The following GRM8 variants were observed in gnomAD, a reference collection of about 807,000 sequenced individuals.
GRM8 encodes the protein glutamate metabotropic receptor 8.
A neutral mutation model predicts 87.2 loss-of-function variants in GRM8; 47 were observed. The ratio of observed to expected loss-of-function variants is 0.54; its 90% CI spans 0.43 to 0.69. The LOEUF is 0.69. Ranked by LOEUF, GRM8 falls within the 30% of genes least tolerant of loss-of-function variation. GRM8 has a pLI of 0.00. For synonymous variants in GRM8, 396 were observed against 404.5 expected (o/e 0.98, Z 0.25); for missense variants, 1,019 against 1,139.2 (o/e 0.89, Z 1.52).
At chr7:127,237,221 C>G (rs887980047) in intron 2 of GRM8, among the ~76,000 whole-genome samples, 8 of 152,152 alleles carry the variant, frequency 5.3e-5, no homozygotes, top group African/African-American at 1.9e-4. Context: ...TTAAATGAAA[C>G]CCTGCTACAG....
chr7:126,784,944 T>C (rs1340940422), intron 6 of GRM8, among the ~76,000 whole-genome samples: 3 of 152,198 alleles, frequency 2.0e-5, no homozygotes, highest in African/African-American at 7.2e-5. Flanking sequence ...TACCAGATCC[T>C]AGGAAAGACC....
intron 2 of GRM8, among the ~76,000 whole-genome samples, chr7:127,140,310 C>G (rs1421951236): frequency 6.6e-6 from 1 of 152,102 alleles, no homozygotes; most frequent in Non-Finnish European, 1.5e-5. Context: ...CCCAATCCCA[C>G]ACTTGTGACA....
intron 9 of GRM8, among the ~76,000 whole-genome samples, chr7:126,522,881 T>C (rs1205030785): frequency 6.6e-6 from 1 of 152,216 alleles, no homozygotes; most frequent in Non-Finnish European, 1.5e-5. Flanking sequence ...TGCTTGGTAT[T>C]ATCCCCCTGA....
rs147607497 is a variant in GRM8 at position 126,584,736 on chromosome 7, G to A, written c.1494+24626C>T. On this transcript the variant is annotated intron_variant, in intron 8 of 10. Transcript: ENST00000339582. ...TAGCATTTCCCAAATAACGTTTGTCGTTTCCGCTTAGGCCTGTTTTAGTCT... is the reference window on the plus strand; with the variant it reads ...TAGCATTTCCCAAATAACGTTTGTCATTTCCGCTTAGGCCTGTTTTAGTCT... 3.3e-3 allele frequency among the ~76,000 whole-genome samples: 501 copies of A among 151,956 alleles called. 1 individual carries two copies. The highest frequency in any genetic ancestry group is 4.8e-3 in the Admixed American group (73 of 15,268).
intron 3 of GRM8, among the ~76,000 whole-genome samples, chr7:127,076,923 T>C (rs530139455): frequency 6.6e-6 from 1 of 152,270 alleles, no homozygotes; most frequent in Non-Finnish European, 1.5e-5. Flanking sequence ...ATCAAAGCCA[T>C]TAATGAGGAA....
chr7:127,166,916 C>A (rs1469491705), intron 2 of GRM8, among the ~76,000 whole-genome samples: 1 of 152,148 alleles, frequency 6.6e-6, no homozygotes, highest in East Asian at 1.9e-4. Flanking sequence ...ATCTTCCAGA[C>A]AATACTTTAC....
chr7:126,949,448 C>T (rs1173551056), intron 3 of GRM8, among the ~76,000 whole-genome samples: 1 of 152,206 alleles, frequency 6.6e-6, no homozygotes, highest in African/African-American at 2.4e-5. Context: ...TTTCTTCCTT[C>T]TACCTCCAAG....
chr7:127,093,707 G>A (rs1474173839), intron 3 of GRM8, among the ~76,000 whole-genome samples: 1 of 152,144 alleles, frequency 6.6e-6, no homozygotes, highest in Non-Finnish European at 1.5e-5. Flanking sequence ...TCTTCCCAGA[G>A]CTGTTAACAA....
intron 3 of GRM8, among the ~76,000 whole-genome samples, chr7:127,073,949 A>G (rs920896367): frequency 1.3e-5 from 2 of 152,236 alleles, no homozygotes; most frequent in African/African-American, 4.8e-5. Context: ...AGACTGAAAC[A>G]TTAATCAAAC....
intron 2 of GRM8, among the ~76,000 whole-genome samples, chr7:127,164,287 G>A (rs912899522): frequency 2.0e-5 from 3 of 152,124 alleles, no homozygotes; most frequent in Non-Finnish European, 2.9e-5. Context: ...AGAACCATGA[G>A]CCAATTAAAC....
intron 3 of GRM8, among the ~76,000 whole-genome samples, chr7:127,031,539 T>C (rs1017723850): frequency 2.6e-5 from 4 of 152,100 alleles, no homozygotes; most frequent in African/African-American, 7.2e-5. Flanking sequence ...CACATTTTTA[T>C]TGTATCTCTC....
At chr7:127,027,169 A>T (rs888757830) in intron 3 of GRM8, among the ~76,000 whole-genome samples, 1 of 151,756 alleles carries the variant, frequency 6.6e-6, no homozygotes, top group Non-Finnish European at 1.5e-5. Context: ...ATTTCTGAGG[A>T]CTTTGTTCTG....
chr7:126,493,005 G>T (rs1422259488), intron 9 of GRM8, among the ~76,000 whole-genome samples: 1 of 152,022 alleles, frequency 6.6e-6, no homozygotes, highest in Non-Finnish European at 1.5e-5. Context: ...GGGAAAGTTT[G>T]TTTGTGTATT....
intron 6 of GRM8, among the ~76,000 whole-genome samples, chr7:126,828,640 T>C (rs1413979672): frequency 6.6e-6 from 1 of 152,204 alleles, no homozygotes; most frequent in Non-Finnish European, 1.5e-5. Context: ...TCAATTTTGT[T>C]GATCCTTTCA....
intron 9 of GRM8, among the ~76,000 whole-genome samples, chr7:126,532,477 C>T (rs1814964946): frequency 6.6e-6 from 1 of 151,904 alleles, no homozygotes; most frequent in Admixed American, 6.6e-5. Flanking sequence ...TGGCTTTATC[C>T]CAGAGTTACT....
chr7:126,798,996 G>A (rs1383077609), intron 6 of GRM8, among the ~76,000 whole-genome samples: 1 of 152,138 alleles, frequency 6.6e-6, no homozygotes, highest in Non-Finnish European at 1.5e-5. Context: ...TGGTTTGACT[G>A]CCTCAGAGAC....
intron 9 of GRM8, among the ~76,000 whole-genome samples, chr7:126,465,535 A>G (rs1271113370): frequency 1.3e-5 from 2 of 151,834 alleles, no homozygotes; most frequent in Admixed American, 1.3e-4. Context: ...TTTTCGATGT[A>G]GAGGTCATTT....
rs540462814 is a variant in GRM8, at chr7:126,619,246, T to C, written c.1358-9748A>G. On this transcript the variant is annotated intron_variant, in intron 7 of 10. Coordinates refer to ENST00000339582, the MANE Select transcript of GRM8 (RefSeq NM_000845.3). ...GTAGGGACATGGATGAAGCTGGAAA[T>C]CATCGTTCTCAGCAAACTACCCCAA... Among the ~76,000 whole-genome samples the C allele has an allele frequency of 3.9e-5, 6 of 152,134 alleles. No homozygotes were observed. In the South Asian group the frequency reaches 1.2e-3, roughly 32 times the overall value.
intron 7 of GRM8, among the ~76,000 whole-genome samples, chr7:126,614,431 A>G (rs534945901): frequency 3.7e-4 from 57 of 152,258 alleles, no homozygotes; most frequent in African/African-American, 1.3e-3. Context: ...TGGGGAAAAA[A>G]CAGAGCTGAA....
Sources: gnomAD v4.1 joint callset for allele counts (sites outside exome capture counted in the v4.1 genomes callset) on GRCh38, gnomAD v4.1.1 for gene constraint, MANE v1.5 for transcripts, NCBI Gene and HGNC (gene_info 2026-07-23, HGNC 2026-07-21) for gene names.